TMEM266: variants seen among roughly 807,000 people sequenced by gnomAD.
The protein encoded by TMEM266 is transmembrane protein 266, also known as Hv1 related protein 1.
A neutral mutation model predicts 50.5 loss-of-function variants in TMEM266; 33 were observed. That is an observed-to-expected ratio of 0.65 (90% CI 0.50 to 0.87). TMEM266 has a LOEUF of 0.87. Among genes scored for constraint, TMEM266 ranks in the 40% least tolerant of loss-of-function variants. TMEM266 has a pLI of 0.00. For synonymous variants in TMEM266, 310 were observed against 292.3 expected, an observed-to-expected ratio of 1.06 and a Z score of -0.62; for missense variants, 655 against 695.1, an observed-to-expected ratio of 0.94 and a Z score of 0.65.
intron 1 of TMEM266, among the ~76,000 whole-genome samples, chr15:76,098,146 A>T (rs2036949156): frequency 6.6e-6 from 1 of 152,052 alleles, no homozygotes; most frequent in Non-Finnish European, 1.5e-5. Flanking sequence ...TCCCTTGCTG[A>T]CAAGGAGCTG....
In TMEM266 at chr15:76,175,692, T is replaced by C. The variant is rs535708773; in HGVS notation, c.768+18T>C. 2.5e-6 allele frequency: 4 copies of C among 1,602,486 alleles called. No individual in the cohort carries two copies. In the Admixed American group the frequency reaches 6.7e-5, roughly 27 times the overall value. The stretch of plus-strand genomic sequence containing the variant: ...AGCAAGGGGTAATGCACTGCCACTT[T>C]CGGCTCTGTCCGTGGTCTTGCTGGG... On this transcript the variant is annotated intron_variant, in intron 8 of 10. Coordinates refer to ENST00000388942, the MANE Select transcript of TMEM266 (RefSeq NM_152335.3).
At chr15:76,123,147 G>C (rs781136675) in intron 1 of TMEM266, among the ~76,000 whole-genome samples, 4 of 152,208 alleles carry the variant, frequency 2.6e-5, no homozygotes, top group Admixed American at 6.5e-5. Context: ...CATTCATTTA[G>C]CAGATTTGCA....
intron 3 of TMEM266, among the ~76,000 whole-genome samples, chr15:76,146,186 C>T (rs117838217): frequency 4.6e-5 from 7 of 152,152 alleles, no homozygotes; most frequent in East Asian, 1.9e-4. Flanking sequence ...CCCACAGACC[C>T]GTAGGAGAAA....
chr15:76,156,540 C>T (rs965298278), intron 3 of TMEM266, 64 bp from the exon 4 acceptor site: 20 of 1,558,404 alleles, frequency 1.3e-5, no homozygotes, highest in East Asian at 2.3e-5. Flanking sequence ...GGGCTTTGGC[C>T]GGGGTCCACC....
intron 1 of TMEM266, among the ~76,000 whole-genome samples, chr15:76,120,077 A>G (rs1040517397): frequency 5.3e-5 from 8 of 152,218 alleles, no homozygotes; most frequent in African/African-American, 1.9e-4. Flanking sequence ...ATTTCATTTT[A>G]ACTATTAAAA....
intron 7 of TMEM266, among the ~76,000 whole-genome samples, chr15:76,173,627 A>G (rs1334894768): frequency 2.6e-5 from 4 of 152,166 alleles, no homozygotes. Context: ...ACAGAAGCGT[A>G]TTTCATTCAC....
Position 76,137,834 on chromosome 15 carries a change from G to A in TMEM266, c.166G>A (p.Asp56Asn), listed in dbSNP as rs778812089. 24 of 1,612,936 alleles carry A rather than the reference G, an allele frequency of 1.5e-5. No homozygotes were observed. Among genetic ancestry groups the A allele is most frequent in the African/African-American group, 2.7e-5 (2 of 74,876 alleles). ...TCGGGACTTGCCCCTGGCTGCTGTC[G>A]ATCTCTCCACGGCGGGCTCGCAGCT... is the stretch of plus-strand genomic sequence containing the variant. The change falls in exon 3 of 11, where the codon GAT becomes AAT. Residue 56 changes from aspartate to asparagine, a missense_variant. Asp to Asn is a conservative substitution (Grantham distance 23, BLOSUM62 1). This residue lies in a region of TMEM266 where 99 missense variants were observed against 110.8 expected (regional missense o/e 0.89). Transcript: ENST00000388942.
intron 9 of TMEM266, among the ~76,000 whole-genome samples, chr15:76,196,025 C>T (rs1368408670): frequency 1.3e-5 from 2 of 152,212 alleles, no homozygotes; most frequent in Non-Finnish European, 2.9e-5. Flanking sequence ...AGGGAGAAAG[C>T]AGGTCAGAGT....
At chr15:76,101,553 G>T (rs1222924494) in intron 1 of TMEM266, among the ~76,000 whole-genome samples, 1 of 152,180 alleles carries the variant, frequency 6.6e-6, no homozygotes, top group Admixed American at 6.5e-5. Flanking sequence ...CACCACTCTG[G>T]GCTTTGGCTT....
intron 10 of TMEM266, among the ~76,000 whole-genome samples, chr15:76,202,698 G>T (rs527679550): frequency 6.6e-6 from 1 of 152,140 alleles, no homozygotes; most frequent in African/African-American, 2.4e-5. Flanking sequence ...AAAAACCTCA[G>T]GGAAGCCTAG....
At chr15:76,084,598 GTT>G (rs111324062) in intron 1 of TMEM266, among the ~76,000 whole-genome samples, 3 of 87,678 alleles carry the variant, frequency 3.4e-5, no homozygotes, top group Non-Finnish European at 2.8e-5. Context: ...GTTTTTTTTG[GTT>G]TTTTTTTTTT....
chr15:76,138,603 C>T (rs2037628877), intron 3 of TMEM266, among the ~76,000 whole-genome samples: 1 of 152,198 alleles, frequency 6.6e-6, no homozygotes, highest in Non-Finnish European at 1.5e-5. Context: ...CACTAGGAAG[C>T]AACCAGGAAG....
At chr15:76,169,726 C>T in intron 5 of TMEM266, 90 bp from the exon 6 acceptor site, 4 of 1,422,430 alleles carry the variant, frequency 2.8e-6, no homozygotes, top group Non-Finnish European at 4.0e-6. Flanking sequence ...TTACTGAATG[C>T]AGAAGCAGAG....
At chr15:76,114,804 A>G (rs1422445650) in intron 1 of TMEM266, among the ~76,000 whole-genome samples, 1 of 152,146 alleles carries the variant, frequency 6.6e-6, no homozygotes, top group African/African-American at 2.4e-5. Flanking sequence ...ATCACCCCAC[A>G]AGGAAACCCC....
chr15:76,197,358 T>C, intron 9 of TMEM266, among the ~76,000 whole-genome samples: 1 of 152,204 alleles, frequency 6.6e-6, no homozygotes, highest in Non-Finnish European at 1.5e-5. Flanking sequence ...CAACTTGACT[T>C]TGAACAAGTT....
At chr15:76,063,538 T>C (rs1425784627) in intron 1 of TMEM266, among the ~76,000 whole-genome samples, 2 of 152,160 alleles carry the variant, frequency 1.3e-5, no homozygotes, top group Non-Finnish European at 2.9e-5. Flanking sequence ...CATTTCAGCT[T>C]TGCTCATAGT....
At chr15:76,157,615 A>G (rs1358012426) in intron 4 of TMEM266, among the ~76,000 whole-genome samples, 4 of 152,040 alleles carry the variant, frequency 2.6e-5, no homozygotes, top group African/African-American at 4.8e-5. Context: ...TTGACTTTGG[A>G]TAAGTAAGTG....
intron 10 of TMEM266, among the ~76,000 whole-genome samples, chr15:76,202,679 G>A (rs1184824199): frequency 6.6e-6 from 1 of 151,970 alleles, no homozygotes; most frequent in African/African-American, 2.4e-5. Context: ...GGATGTTCTT[G>A]CACTTGAAAA....
At chr15:76,190,076 TA>T (rs1042986005) in intron 8 of TMEM266, among the ~76,000 whole-genome samples, 2 of 152,096 alleles carry the variant, frequency 1.3e-5, no homozygotes, top group African/African-American at 4.8e-5. Context: ...AACAAAATAT[TA>T]AAATAAATAC....
Sources: allele counts gnomAD v4.1 joint callset (sites outside exome capture counted in the v4.1 genomes callset), GRCh38; gene constraint gnomAD v4.1.1; regional missense constraint gnomAD v4.1.1; transcripts MANE v1.5; gene names NCBI Gene and HGNC (gene_info 2026-07-23, HGNC 2026-07-21).